SPRN: variants seen among roughly 807,000 people sequenced by gnomAD.
SPRN encodes shadow of prion protein, also known as hypothetical protein BC004409.
For missense variants in SPRN, 312 were observed against 241.4 expected (o/e 1.29, Z -1.94); for synonymous variants, 182 against 123.4 (o/e 1.48, Z -3.15).
chr10:133,421,229 A>G lies in SPRN; in HGVS notation c.*1997T>C, dbSNP rs974461149. 6.5e-6 allele frequency: 1 copy of G among 152,786 alleles called. No individual in the cohort carries two copies. Among genetic ancestry groups the G allele is most frequent in the African/African-American group, 2.4e-5 (1 of 41,466 alleles). 9.5% of individuals were successfully genotyped at this position (152,786 alleles called of 1,614,324 possible). The stretch of plus-strand genomic sequence containing the variant: ...AAGTTAGCCCCTGAGTGCCACCTGC[A>G]TCGTGCCATAACCCTGACCGCCTGG... On this transcript the variant is annotated 3_prime_UTR_variant, in exon 2 of 2. Coordinates refer to ENST00000685335, the MANE Select transcript of SPRN (RefSeq NM_001391974.1).
rs1351544209 is a variant in SPRN at position 133,423,588 on chromosome 10, G to T, written c.94C>A (p.Arg32=). ...CGGACCCCTCCCCGGGCACTGCCCC[G>T]CGCACCTCCGCGGCCGCCCTTGGCT... The part of the protein sequence containing the change: ...GAAKGGRGGA[R]GSARGGVRGG... Residue 32 remains arginine (R), a synonymous_variant, in exon 2 of 2, where the codon CGG becomes AGG. Transcript: ENST00000685335. The T allele has an allele frequency of 1.3e-6, 2 of 1,486,880 alleles. No individual in the cohort carries two copies. Among genetic ancestry groups the T allele is most frequent in the Non-Finnish European group, 1.8e-6 (2 of 1,119,746 alleles). The allele number at this position is 1,486,880 out of a possible 1,614,324, so 92.1% of individuals were successfully genotyped here.
In SPRN at chr10:133,423,273, G is replaced by A. The variant is rs936458959; in HGVS notation, c.409C>T (p.Leu137Phe). ...AGPTRGPRLC[L>F]VLGGALGALG... ...GCTCCGAGGGCGCCGCCCAGCACGA[G>A]ACAGAGACGCGGGCCGCGCGTGGGT... The change falls in exon 2 of 2, where the codon CTC (leucine) becomes TTC (phenylalanine). Residue 137 changes from leucine (L) to phenylalanine (F), a missense_variant. Leu to Phe is a conservative substitution (Grantham distance 22). Coordinates refer to ENST00000685335, the MANE Select transcript of SPRN (RefSeq NM_001391974.1). 86 of 1,513,880 alleles carry A rather than the reference G, an allele frequency of 5.7e-5. No individual in the cohort carries two copies. The highest frequency in any genetic ancestry group is 7.2e-5 in the Non-Finnish European group (82 of 1,136,050). The allele number at this position is 1,513,880 out of a possible 1,614,324, so 93.8% of individuals were successfully genotyped here. A position where few individuals can be genotyped will look rare whatever the true frequency, so the allele number is the denominator to read the frequency against.
chr10:133,422,918 T>G lies in SPRN; in HGVS notation c.*308A>C. 1 of 272,004 alleles carries G rather than the reference T, an allele frequency of 3.7e-6. No individual in the cohort carries two copies. The allele number at this position is 272,004 out of a possible 1,614,324, so 16.8% of individuals were successfully genotyped here. A position where few individuals can be genotyped will look rare whatever the true frequency, so the allele number is the denominator to read the frequency against. On this transcript the variant is annotated 3_prime_UTR_variant, in exon 2 of 2. Coordinates refer to ENST00000685335, the MANE Select transcript of SPRN (RefSeq NM_001391974.1). ...GGGTTCCTGGCCTTGGCACCTCCCT[T>G]TGGGCGGCGATGGAGCGTGGCTGGG... is the stretch of plus-strand genomic sequence containing the variant.
rs146008888 is a variant in SPRN at position 133,422,451 on chromosome 10, A to C, written c.*775T>G. On this transcript the variant is annotated 3_prime_UTR_variant, in exon 2 of 2. Coordinates refer to ENST00000685335, the MANE Select transcript of SPRN (RefSeq NM_001391974.1). ...TGAACCTGAAGTTCAAAGGACTTGG[A>C]AAGCTCTGGAATGTGTTGGTTTTTC... The C allele has an allele frequency of 0.013, 1,944 of 152,376 alleles. 21 individuals carry two copies. Among genetic ancestry groups the C allele is most frequent in the Middle Eastern group, 0.024 (7 of 296 alleles). 9.4% of individuals were successfully genotyped at this position (152,376 alleles called of 1,614,324 possible). A position where few individuals can be genotyped will look rare whatever the true frequency, so the allele number is the denominator to read the frequency against.
chr10:133,424,311 C>T (rs1256406653), intron 1 of SPRN, among the ~76,000 whole-genome samples, 162 bp downstream of exon 1: 2 of 143,228 alleles, frequency 1.4e-5, no homozygotes, highest in East Asian at 4.0e-4. Flanking sequence ...GCCCGGCGCT[C>T]AATGCCGTCC....
At position 133,421,250 on chromosome 10, in the gene SPRN, C is replaced by T. The variant is rs1211003206; in HGVS notation, c.*1976G>A. 1 of 152,828 alleles carries T rather than the reference C, an allele frequency of 6.5e-6. No homozygotes were observed. The highest frequency in any genetic ancestry group is 6.5e-5 in the Admixed American group (1 of 15,290). 9.5% of individuals were successfully genotyped at this position (152,828 alleles called of 1,614,324 possible). A position where few individuals can be genotyped will look rare whatever the true frequency, so the allele number is the denominator to read the frequency against. On this transcript the variant is annotated 3_prime_UTR_variant, in exon 2 of 2. Coordinates refer to ENST00000685335, the MANE Select transcript of SPRN (RefSeq NM_001391974.1). ...CTGCATCGTGCCATAACCCTGACCG[C>T]CTGGGGCAGGAAGTATTCAGGTTGG...
At position 133,423,440 on chromosome 10, in the gene SPRN, G is replaced by A. The variant is rs994524398; in HGVS notation, c.242C>T (p.Ala81Val). 47 of 1,269,490 alleles carry A rather than the reference G, an allele frequency of 3.7e-5. No individual in the cohort carries two copies. In the African/African-American group the frequency reaches 5.6e-4, roughly 15 times the overall value. The allele number at this position is 1,269,490 out of a possible 1,614,324, so 78.6% of individuals were successfully genotyped here. A position where few individuals can be genotyped will look rare whatever the true frequency, so the allele number is the denominator to read the frequency against. ...AAAGAAAGAA[A>V]GLAAGSGWRR... The stretch of plus-strand genomic sequence containing the variant: ...CCAGCCCGAGCCCGCCGCCAGGCCC[G>A]CGGCCGCTCCCGCCGCCGCCCCGGC... Residue 81 changes from alanine (A) to valine (V), a missense_variant, in exon 2 of 2, where the codon GCG becomes GTG. Coordinates refer to ENST00000685335, the MANE Select transcript of SPRN (RefSeq NM_001391974.1).
Position 133,423,334 on chromosome 10 carries a change from GC to G in SPRN, c.347del (p.Gly116AlafsTer101), listed in dbSNP as rs1564826214. ...AAGTCCACGCCCGGTAGCTGTAGAT[GC>G]CGGGGCCTGTCCCGTTGCCTCCGGG... ...GVPGGNGTGP[G>X]IYSYRAWTSG... On this transcript the variant is annotated frameshift_variant, in exon 2 of 2. Coordinates refer to ENST00000685335, the MANE Select transcript of SPRN (RefSeq NM_001391974.1). LOFTEE classifies it low-confidence loss of function (END_TRUNC). The G allele has an allele frequency of 6.6e-7, 1 of 1,522,562 alleles. No homozygotes were observed. The highest frequency in any genetic ancestry group is 8.8e-7 in the Non-Finnish European group (1 of 1,140,326). 94.3% of individuals were successfully genotyped at this position (1,522,562 alleles called of 1,614,324 possible). A position where few individuals can be genotyped will look rare whatever the true frequency, so the allele number is the denominator to read the frequency against.
intron 1 of SPRN, among the ~76,000 whole-genome samples, 172 bp downstream of exon 1, chr10:133,424,301 G>A (rs1262643042): frequency 1.4e-5 from 2 of 142,882 alleles, no homozygotes; most frequent in Non-Finnish European, 3.0e-5. Context: ...TCCCGCGCGC[G>A]CCCGGCGCTC....
At position 133,423,500 on chromosome 10, in the gene SPRN, C is replaced by T; in HGVS notation, c.182G>A (p.Gly61Asp). 8.6e-7 allele frequency: 1 copy of T among 1,168,650 alleles called. No individual in the cohort carries two copies. 72.4% of individuals were successfully genotyped at this position (1,168,650 alleles called of 1,614,324 possible). The change falls in exon 2 of 2, where the codon GGC becomes GAC. Residue 61 changes from glycine to aspartate, a missense_variant. Gly to Asp is a moderately conservative substitution (Grantham distance 94). Transcript: ENST00000685335. ...GGCGGCAGCCACGCGCAGGGAGGAGCCCGGGGCACCGTAGCGCTGCGCCGG... is the reference window on the plus strand; with the variant it reads ...GGCGGCAGCCACGCGCAGGGAGGAGTCCGGGGCACCGTAGCGCTGCGCCGG... The part of the protein sequence containing the change: ...VRPAQRYGAP[G>D]SSLRVAAAGA...
In SPRN at chr10:133,423,663, T is replaced by G; in HGVS notation, c.19A>C (p.Thr7Pro). 6.3e-7 allele frequency: 1 copy of G among 1,579,482 alleles called. No homozygotes were observed. The change falls in exon 2 of 2, where the codon ACG becomes CCG. Residue 7 changes from threonine to proline, a missense_variant. Coordinates refer to ENST00000685335, the MANE Select transcript of SPRN (RefSeq NM_001391974.1). ...GCCGCCAGTAGCAGAGCCCAGCACG[T>G]TGCGGGTGCCCAGTTCATCTTCGTG... MNWAPA[T>P]CWALLLAAAF... is the part of the protein sequence containing the mutation.
rs559920556 is a variant in SPRN, at chr10:133,423,551, C to T, written c.131G>A (p.Arg44His). 7.1e-6 allele frequency: 9 copies of T among 1,270,016 alleles called. No individual in the cohort carries two copies. Among genetic ancestry groups the T allele is most frequent in the East Asian group, 3.3e-5 (1 of 30,246 alleles). 78.7% of individuals were successfully genotyped at this position (1,270,016 alleles called of 1,614,324 possible). A position where few individuals can be genotyped will look rare whatever the true frequency, so the allele number is the denominator to read the frequency against. Residue 44 changes from arginine to histidine, a missense_variant, in exon 2 of 2, where the codon CGC becomes CAC. Physicochemically the swap from Arg to His is conservative, Grantham distance 29. Coordinates refer to ENST00000685335, the MANE Select transcript of SPRN (RefSeq NM_001391974.1). ...CCTCACGCGCACCCTCGAGGCCCCGCGCGCACCCCCGCGGACCCCTCCCCG... is the reference window on the plus strand; with the variant it reads ...CCTCACGCGCACCCTCGAGGCCCCGTGCGCACCCCCGCGGACCCCTCCCCG... ...SARGGVRGGARGASRVRVRPA... is the reference protein window; with the variant it reads ...SARGGVRGGAHGASRVRVRPA...
At chr10:133,423,840 TG>T (rs571827689) in intron 1 of SPRN, 143 bp from the exon 2 acceptor site, 26 of 504,264 alleles carry the variant, frequency 5.2e-5, no homozygotes, top group Non-Finnish European at 7.2e-5. Context: ...CACTGAGGCC[TG>T]GGGGGGCGCG....
In SPRN at chr10:133,423,176, G is replaced by C; in HGVS notation, c.*50C>G. On this transcript the variant is annotated 3_prime_UTR_variant, in exon 2 of 2. Transcript: ENST00000685335. ...GGGGAGCCCAGGCCGGAGGATCCTG[G>C]GGGATGGCGCGGGCCGGGGGCCAGA... The C allele has an allele frequency of 2.9e-6, 4 of 1,363,578 alleles. No homozygotes were observed. The highest frequency in any genetic ancestry group is 3.8e-6 in the Non-Finnish European group (4 of 1,055,054). 84.5% of individuals were successfully genotyped at this position (1,363,578 alleles called of 1,614,324 possible).
chr10:133,424,359 G>A (rs1850321963), intron 1 of SPRN, 114 bp downstream of exon 1: 1 of 143,170 alleles, frequency 7.0e-6, no homozygotes, highest in South Asian at 2.2e-4. Context: ...GGGGCGGGAC[G>A]GGGTCGAGTT....
chr10:133,423,571 T>TCCCCGGGCACTG lies in SPRN; in HGVS notation c.99_110dup (p.Ser34_Gly37dup). ...CCCCGCGCGCACCCCCGCGGACCCC[T>TCCCCGGGCACTG]CCCCGGGCACTGCCCCGCGCACCTC... On this transcript the variant is annotated inframe_insertion, in exon 2 of 2. Coordinates refer to ENST00000685335, the MANE Select transcript of SPRN (RefSeq NM_001391974.1). The TCCCCGGGCACTG allele has an allele frequency of 7.3e-7, 1 of 1,363,662 alleles. No individual in the cohort carries two copies. The highest frequency in any genetic ancestry group is 9.5e-7 in the Non-Finnish European group (1 of 1,057,516). The allele number at this position is 1,363,662 out of a possible 1,614,324, so 84.5% of individuals were successfully genotyped here. A position where few individuals can be genotyped will look rare whatever the true frequency, so the allele number is the denominator to read the frequency against.
rs147046336 is a variant in SPRN, at chr10:133,421,900, C to CGGGGGGGGGGGGGGGGGGGGGGG, written c.*1325_*1326insCCCCCCCCCCCCCCCCCCCCCCC. The CGGGGGGGGGGGGGGGGGGGGGGG allele has an allele frequency of 8.6e-6, 1 of 115,862 alleles. No individual in the cohort carries two copies. Among genetic ancestry groups the CGGGGGGGGGGGGGGGGGGGGGGG allele is most frequent in the Non-Finnish European group, 1.8e-5 (1 of 55,850 alleles). 7.2% of individuals were successfully genotyped at this position (115,862 alleles called of 1,614,324 possible). ...TGGAGAGGGTGAGATCCCAAGGCCA[C>CGGGGGGGGGGGGGGGGGGGGGGG]GGCGGGGGGCAGGGAGAACCCCTCC... On this transcript the variant is annotated 3_prime_UTR_variant, in exon 2 of 2. Transcript: ENST00000685335.
rs1451880298 is a variant in SPRN, at chr10:133,423,545, G to GC, written c.136dup (p.Ala46GlyfsTer249). 1.9e-4 allele frequency: 234 copies of GC among 1,257,916 alleles called. No individual in the cohort carries two copies. Among genetic ancestry groups the GC allele is most frequent in the Non-Finnish European group, 2.1e-4 (215 of 1,003,272 alleles). The allele number at this position is 1,257,916 out of a possible 1,614,324, so 77.9% of individuals were successfully genotyped here. A position where few individuals can be genotyped will look rare whatever the true frequency, so the allele number is the denominator to read the frequency against. On this transcript the variant is annotated frameshift_variant, in exon 2 of 2. Coordinates refer to ENST00000685335, the MANE Select transcript of SPRN (RefSeq NM_001391974.1). LOFTEE classifies it low-confidence loss of function (END_TRUNC). ...CGCCGGCCTCACGCGCACCCTCGAG[G>GC]CCCCGCGCGCACCCCCGCGGACCCC...
At position 133,423,375 on chromosome 10, in the gene SPRN, C is replaced by T. The variant is rs748979214; in HGVS notation, c.307G>A (p.Glu103Lys). ...AGPGERGLEDEEDGVPGGNGT... is the reference protein window; with the variant it reads ...AGPGERGLEDKEDGVPGGNGT... ...TTGCCTCCGGGCACCCCGTCCTCCT[C>T]GTCCTCCAGGCCGCGTTCCCCGGGT... Residue 103 changes from glutamate (E) to lysine (K), a missense_variant, in exon 2 of 2, where the codon GAG (glutamate) becomes AAG (lysine). Physicochemically the swap from Glu to Lys is moderately conservative, Grantham distance 56 (BLOSUM62 1). Transcript: ENST00000685335. The T allele has an allele frequency of 1.6e-5, 24 of 1,507,592 alleles. No individual in the cohort carries two copies. The highest frequency in any genetic ancestry group is 2.1e-4 in the Middle Eastern group (1 of 4,776). The allele number at this position is 1,507,592 out of a possible 1,614,324, so 93.4% of individuals were successfully genotyped here. A position where few individuals can be genotyped will look rare whatever the true frequency, so the allele number is the denominator to read the frequency against.
Sources: gnomAD v4.1 joint callset for allele counts (sites outside exome capture counted in the v4.1 genomes callset) on GRCh38, gnomAD v4.1.1 for gene constraint, MANE v1.5 for transcripts, NCBI Gene and HGNC (gene_info 2026-07-23, HGNC 2026-07-21) for gene names.